USP34: variants seen among roughly 807,000 people sequenced by gnomAD.
USP34 encodes ubiquitin specific peptidase 34.
In USP34, 70 loss-of-function variants were observed where a neutral mutation model predicts 460.3. The ratio of observed to expected loss-of-function variants is 0.15; its 90% confidence interval spans 0.13 to 0.19. The LOEUF (loss-of-function observed/expected upper bound fraction) is 0.19, where lower values mean the gene tolerates loss of function less well. Among genes scored for constraint, USP34 ranks in the 10% least tolerant of loss-of-function variants. The probability of loss-of-function intolerance (pLI) is 1.00; values close to 1 mark genes in which losing one functional copy is unlikely to be tolerated. For synonymous variants in USP34, 1,647 were observed against 1,405.3 expected, an observed-to-expected ratio of 1.17 and a Z score of -3.85; for missense variants, 3,985 against 4,236.2, an observed-to-expected ratio of 0.94 and a Z score of 1.65.
In USP34 at chr2:61,379,787, A is replaced by G. The variant is rs186180319; in HGVS notation, c.1014+382T>C. 3.7e-4 allele frequency among the ~76,000 whole-genome samples: 57 copies of G among 152,396 alleles called. 1 individual carries two copies. The highest frequency in any genetic ancestry group is 1.9e-4 in the East Asian group (1 of 5,194). The stretch of plus-strand genomic sequence containing the variant: ...AGACTATTCAAAACAAACATTTAGT[A>G]AAATTTGGCCTACGGCCCAATAATC... On this transcript the variant is annotated intron_variant, in intron 7 of 79. Coordinates refer to ENST00000398571, the MANE Select transcript of USP34 (RefSeq NM_014709.4).
At chr2:61,295,363 T>C in intron 30 of USP34, 73 bp from the exon 31 acceptor site, 5 of 1,466,330 alleles carry the variant, frequency 3.4e-6, no homozygotes, top group Non-Finnish European at 4.5e-6. Context: ...TTAAACAAAC[T>C]GACACTACAT....
chr2:61,452,721 CA>C (rs562544798), intron 1 of USP34, among the ~76,000 whole-genome samples: 25 of 140,910 alleles, frequency 1.8e-4, no homozygotes, highest in Admixed American at 2.1e-4. Context: ...CTGTCTCCAC[CA>C]AAAAAAAAAA....
chr2:61,292,204 A>T (rs1004367790), intron 33 of USP34, among the ~76,000 whole-genome samples: 2 of 152,192 alleles, frequency 1.3e-5, no homozygotes, highest in African/African-American at 4.8e-5. Context: ...TTTCAAAAAA[A>T]GTTTTAAAGG....
intron 3 of USP34, among the ~76,000 whole-genome samples, chr2:61,404,403 C>T (rs1262257010): frequency 6.6e-6 from 1 of 152,168 alleles, no homozygotes; most frequent in Non-Finnish European, 1.5e-5. Flanking sequence ...GTCTACTTCA[C>T]TACCCCTTTG....
At position 61,256,489 on chromosome 2, in the gene USP34, A is replaced by T; in HGVS notation, c.6127-11T>A. ...TTCATCAAGAGATTCCTGTGTATAA[A>T]ACCACATTTAAAAGTTTCATATTAT... On this transcript the variant is annotated splice_polypyrimidine_tract_variant and intron_variant, in intron 47 of 79. Coordinates refer to ENST00000398571, the MANE Select transcript of USP34 (RefSeq NM_014709.4). The T allele has an allele frequency of 6.4e-7, 1 of 1,555,412 alleles. No homozygotes were observed. Among genetic ancestry groups the T allele is most frequent in the Non-Finnish European group, 8.7e-7 (1 of 1,145,954 alleles).
intron 41 of USP34, 76 bp downstream of exon 41, chr2:61,278,089 A>G: frequency 6.5e-7 from 1 of 1,547,978 alleles, no homozygotes. Flanking sequence ...CAGTGTAAAA[A>G]CGGACTAATA....
In USP34 at chr2:61,276,432, G is replaced by A. The variant is rs144784911; in HGVS notation, c.5433+1733C>T. On this transcript the variant is annotated intron_variant, in intron 41 of 79. Transcript: ENST00000398571. ...ATGTACTCATTTTTTAGTGAAAATC[G>A]ATCACAGAATACTATTTATAAACTG... is the stretch of plus-strand genomic sequence containing the variant. 8.7e-4 allele frequency among the ~76,000 whole-genome samples: 132 copies of A among 151,790 alleles called. 2 individuals carry two copies. In the East Asian group the frequency reaches 0.023, roughly 26 times the overall value.
chr2:61,391,953 G>A (rs375631481), intron 5 of USP34, among the ~76,000 whole-genome samples: 7 of 152,048 alleles, frequency 4.6e-5, no homozygotes, highest in African/African-American at 1.7e-4. Flanking sequence ...GTATTACGGT[G>A]TTCAAAAAAT....
chr2:61,313,660 T>C (rs1690661711), intron 25 of USP34, among the ~76,000 whole-genome samples: 3 of 152,132 alleles, frequency 2.0e-5, no homozygotes, highest in Non-Finnish European at 2.9e-5. Flanking sequence ...GAAGTTTCTG[T>C]GTAAAAAAAT....
At chr2:61,322,204 T>G (rs1251691653) in intron 21 of USP34, among the ~76,000 whole-genome samples, 1 of 152,082 alleles carries the variant, frequency 6.6e-6, no homozygotes. Context: ...TACTCCAGCC[T>G]GTGTGACAAG....
At chr2:61,189,854 C>A in intron 78 of USP34, 1 of 155,812 alleles carries the variant, frequency 6.4e-6, no homozygotes, top group Non-Finnish European at 1.4e-5. Context: ...TTCCATTATT[C>A]TAGGACATGG....
At chr2:61,336,442 A>C (rs1691418652) in intron 18 of USP34, among the ~76,000 whole-genome samples, 1 of 151,626 alleles carries the variant, frequency 6.6e-6, no homozygotes. Context: ...GGATCTTTTT[A>C]ATTTTCCTAC....
In USP34 at chr2:61,470,778, AG is replaced by A; in HGVS notation, c.-87del. 6.0e-6 allele frequency: 5 copies of A among 832,950 alleles called. No homozygotes were observed. The highest frequency in any genetic ancestry group is 4.3e-5 in the South Asian group (2 of 46,744). The allele number at this position is 832,950 out of a possible 1,614,324, so 51.6% of individuals were successfully genotyped here. A position where few individuals can be genotyped will look rare whatever the true frequency, so the allele number is the denominator to read the frequency against. Reference sequence around the variant, plus strand: ...GGGGGGGAGGGGAGAGAGGCGGAGGAGGGGGCCGGCCGGCCGGCGGGGCGGG... The same window carrying A: ...GGGGGGGAGGGGAGAGAGGCGGAGGAGGGGCCGGCCGGCCGGCGGGGCGGG... On this transcript the variant is annotated 5_prime_UTR_variant, in exon 1 of 80. Transcript: ENST00000398571.
intron 65 of USP34, 121 bp downstream of exon 65, chr2:61,222,498 G>A: frequency 1.4e-6 from 1 of 692,992 alleles, no homozygotes; most frequent in Non-Finnish European, 2.4e-6. Context: ...CTTAAAAATA[G>A]GTTATTATGT....
chr2:61,440,979 T>A (rs1694948577), intron 1 of USP34, among the ~76,000 whole-genome samples: 1 of 151,522 alleles, frequency 6.6e-6, no homozygotes, highest in Non-Finnish European at 1.5e-5. Context: ...TACAAAAAAA[T>A]TAGCTGGGCG....
intron 75 of USP34, among the ~76,000 whole-genome samples, chr2:61,202,572 C>A (rs1687006657): frequency 6.6e-6 from 1 of 152,066 alleles, no homozygotes; most frequent in Non-Finnish European, 1.5e-5. Context: ...ATATTCGAGA[C>A]CCCCCGCCAC....
At chr2:61,394,647 A>G (rs1292280938) in intron 5 of USP34, among the ~76,000 whole-genome samples, 2 of 152,048 alleles carry the variant, frequency 1.3e-5, no homozygotes, top group African/African-American at 4.8e-5. Context: ...GACCCCTTTT[A>G]GCTTTAAAAC....
At chr2:61,276,148 A>G (rs1689366184) in intron 41 of USP34, among the ~76,000 whole-genome samples, 3 of 152,234 alleles carry the variant, frequency 2.0e-5, no homozygotes. Context: ...CAAATATCTC[A>G]GTGACATAAG....
chr2:61,442,891 ATG>A (rs146092876), intron 1 of USP34, among the ~76,000 whole-genome samples: 1,747 of 127,574 alleles, frequency 0.014, 32 homozygotes, highest in African/African-American at 0.05. Flanking sequence ...ACAAAATGTG[ATG>A]TGTGTACACA....
Sources: allele counts gnomAD v4.1 joint callset (sites outside exome capture counted in the v4.1 genomes callset), GRCh38; gene constraint gnomAD v4.1.1; transcripts MANE v1.5; gene names NCBI Gene and HGNC (gene_info 2026-07-23, HGNC 2026-07-21).